FANCL: variants seen among roughly 807,000 people sequenced by gnomAD.
FANCL encodes E3 ubiquitin-protein ligase FANCL.
A neutral mutation model predicts 59.4 loss-of-function variants in FANCL; 69 were observed. The ratio of observed to expected loss-of-function variants is 1.16; its 90% CI spans 0.96 to 1.42. The LOEUF is 1.42. Among genes scored for constraint, FANCL ranks in the 40% most tolerant of loss-of-function variants. FANCL has a pLI of 0.00. For synonymous variants in FANCL, 180 were observed against 147.1 expected (o/e 1.22, Z -1.62); for missense variants, 519 against 447.2 (o/e 1.16, Z -1.45).
chr2:58,229,692 C>T, intron 3 of FANCL, 122 bp downstream of exon 3: 1 of 754,416 alleles, frequency 1.3e-6, no homozygotes, highest in South Asian at 1.6e-5. Flanking sequence ...ATGAAACCTA[C>T]AAAACTTAAC....
chr2:58,236,398 A>G (rs1289729780), intron 1 of FANCL, among the ~76,000 whole-genome samples: 1 of 151,938 alleles, frequency 6.6e-6, no homozygotes, highest in African/African-American at 2.4e-5. Context: ...ATGGAATCCT[A>G]ATATTACGTT....
intron 5 of FANCL, among the ~76,000 whole-genome samples, chr2:58,212,490 C>T (rs1335603494): frequency 6.6e-6 from 1 of 152,092 alleles, no homozygotes; most frequent in Non-Finnish European, 1.5e-5. Flanking sequence ...ATATTTGAGA[C>T]TGACAGGGGC....
At chr2:58,203,546 G>C (rs1409465911) in intron 6 of FANCL, among the ~76,000 whole-genome samples, 1 of 151,872 alleles carries the variant, frequency 6.6e-6, no homozygotes, top group Non-Finnish European at 1.5e-5. Context: ...AAAAAATAAA[G>C]ATGAAACAAC....
intron 11 of FANCL, 52 bp downstream of exon 11, chr2:58,162,813 TA>T: frequency 6.8e-7 from 1 of 1,473,304 alleles, no homozygotes; most frequent in Non-Finnish European, 9.5e-7. Flanking sequence ...GAGAAGCATT[TA>T]AACTTCATTA....
At position 58,163,470 on chromosome 2, in the gene FANCL, T is replaced by C. The variant is rs561027973; in HGVS notation, c.739A>G (p.Met247Val). 710 of 1,611,040 alleles carry C rather than the reference T, an allele frequency of 4.4e-4. 9 individuals are homozygous for C. In the South Asian group the frequency reaches 6.9e-3, roughly 16 times the overall value. Residue 247 changes from methionine (M) to valine (V), a missense_variant, in exon 9 of 14, where the codon ATG becomes GTG. Physicochemically the swap from Met to Val is conservative, Grantham distance 21. Transcript: ENST00000233741. The stretch of plus-strand genomic sequence containing the variant: ...CCAAGAAAGAAGCACTCAGGAAGCA[T>C]AGTAGGATGCCTGGGGTCTACCTCT... ...NIEVDPRHPT[M>V]LPECFFLGAD... is the part of the protein sequence containing the mutation.
At chr2:58,219,705 G>C (rs554960290) in intron 5 of FANCL, among the ~76,000 whole-genome samples, 1 of 152,006 alleles carries the variant, frequency 6.6e-6, no homozygotes, top group Non-Finnish European at 1.5e-5. Flanking sequence ...TATCCAGCAT[G>C]GCTCTAAAAA....
chr2:58,196,212 A>C (rs571113066), intron 7 of FANCL, among the ~76,000 whole-genome samples: 1 of 152,140 alleles, frequency 6.6e-6, no homozygotes, highest in Non-Finnish European at 1.5e-5. Flanking sequence ...GTAAACAGTT[A>C]CTACTTAAAG....
At chr2:58,232,484 C>T (rs1693676493) in intron 1 of FANCL, among the ~76,000 whole-genome samples, 1 of 151,848 alleles carries the variant, frequency 6.6e-6, no homozygotes, top group Non-Finnish European at 1.5e-5. Context: ...CTTCAAATTG[C>T]TTTAATGGAA....
At chr2:58,206,840 T>C (rs948940158) in intron 5 of FANCL, among the ~76,000 whole-genome samples, 1 of 152,154 alleles carries the variant, frequency 6.6e-6, no homozygotes, top group Non-Finnish European at 1.5e-5. Flanking sequence ...AAAATCAAGG[T>C]ACATTTTACC....
Position 58,163,338 on chromosome 2 carries a change from C to T in FANCL, c.775+96G>A, listed in dbSNP as rs530866619. On this transcript the variant is annotated intron_variant, in intron 9 of 13. Transcript: ENST00000233741. Reference sequence around the variant, plus strand: ...CTCCGTCTCAGACAAAAAATAAAAACTACCATTAATATACTAATATTGTCT... The same window carrying T: ...CTCCGTCTCAGACAAAAAATAAAAATTACCATTAATATACTAATATTGTCT... The T allele has an allele frequency of 1.1e-3, 989 of 904,476 alleles. 9 individuals carry two copies. In the African/African-American group the frequency reaches 0.014, roughly 13 times the overall value. The allele number at this position is 904,476 out of a possible 1,614,324, so 56.0% of individuals were successfully genotyped here. A position where few individuals can be genotyped will look rare whatever the true frequency, so the allele number is the denominator to read the frequency against.
At chr2:58,209,119 A>T (rs1281189459) in intron 5 of FANCL, among the ~76,000 whole-genome samples, 1 of 152,122 alleles carries the variant, frequency 6.6e-6, no homozygotes, top group Non-Finnish European at 1.5e-5. Flanking sequence ...AAATGCTTCA[A>T]ATTCCTCCAA....
At chr2:58,241,128 G>T in intron 1 of FANCL, 90 bp downstream of exon 1, 2 of 1,377,914 alleles carry the variant, frequency 1.5e-6, no homozygotes, top group Non-Finnish European at 2.0e-6. Context: ...ACAAGTCTGG[G>T]CCCCTAACCT....
At chr2:58,177,061 C>A (rs1687401956) in intron 7 of FANCL, among the ~76,000 whole-genome samples, 1 of 152,150 alleles carries the variant, frequency 6.6e-6, no homozygotes, top group Non-Finnish European at 1.5e-5. Flanking sequence ...CAGAGAAATG[C>A]AAATCAAAAC....
intron 1 of FANCL, among the ~76,000 whole-genome samples, chr2:58,232,668 T>A (rs906985464): frequency 2.0e-5 from 3 of 152,022 alleles, no homozygotes; most frequent in African/African-American, 4.8e-5. Flanking sequence ...GGCCTCTAAC[T>A]TTTTTGAAAT....
intron 4 of FANCL, among the ~76,000 whole-genome samples, chr2:58,224,218 A>G (rs62140051): frequency 0.042 from 6,404 of 151,806 alleles, 166 homozygotes; most frequent in East Asian, 0.096. Context: ...ATGGGACATG[A>G]TATCTATACT....
intron 1 of FANCL, among the ~76,000 whole-genome samples, chr2:58,234,420 CA>C (rs1471737372): frequency 9.3e-5 from 14 of 151,042 alleles, no homozygotes; most frequent in African/African-American, 3.2e-4. Flanking sequence ...AAATGAAATA[CA>C]AATGTCATAA....
At chr2:58,193,750 A>G (rs848278) in intron 7 of FANCL, among the ~76,000 whole-genome samples, 110,984 of 152,042 alleles carry the variant, frequency 0.73, 41,524 homozygotes, top group African/African-American at 0.91. Context: ...GGATTATTAC[A>G]GTGAAAAACT....
In FANCL at chr2:58,162,885, C is replaced by T. The variant is rs375526911; in HGVS notation, c.884G>A (p.Arg295His). Reference protein sequence around the residue: ...KDVLEIDFPARAILEKSDFTM... With the variant: ...KDVLEIDFPAHAILEKSDFTM... ...ACTTACAGATTTTTCCAGGATAGCACGAGCTGGAAAATCAATTTCTAAAAC... is the reference window on the plus strand; with the variant it reads ...ACTTACAGATTTTTCCAGGATAGCATGAGCTGGAAAATCAATTTCTAAAAC... Residue 295 changes from arginine to histidine, a missense_variant, in exon 11 of 14, where the codon CGT becomes CAT. Transcript: ENST00000233741. The T allele has an allele frequency of 4.7e-5, 75 of 1,612,062 alleles. No homozygotes were observed. The South Asian group carries it at 7.2e-4, about 16-fold the overall frequency.
intron 7 of FANCL, among the ~76,000 whole-genome samples, chr2:58,192,611 C>G (rs947012188): frequency 6.6e-5 from 10 of 151,632 alleles, no homozygotes; most frequent in African/African-American, 2.4e-4. Flanking sequence ...ATATTATTAT[C>G]CAAATTACAA....
Sources: allele counts gnomAD v4.1 joint callset (sites outside exome capture counted in the v4.1 genomes callset), GRCh38; gene constraint gnomAD v4.1.1; transcripts MANE v1.5; gene names NCBI Gene and HGNC (gene_info 2026-07-23, HGNC 2026-07-21).